HSF2: variants seen among roughly 807,000 people sequenced by gnomAD.
The protein encoded by HSF2 is heat shock factor protein 2.
A neutral mutation model predicts 65.0 loss-of-function variants in HSF2; 21 were observed. The observed-to-expected ratio is 0.32, with a 90% CI of 0.23 to 0.47. The LOEUF is 0.47. HSF2 is among the 20% of genes least tolerant of loss of function. The pLI is 1.00. For missense variants in HSF2, 499 were observed against 628.1 expected, an observed-to-expected ratio of 0.79 and a Z score of 2.20; for synonymous variants, 225 against 219.1, an observed-to-expected ratio of 1.03 and a Z score of -0.24.
chr6:122,411,881 T>C (rs368033818), intron 1 of HSF2, among the ~76,000 whole-genome samples: 2 of 152,100 alleles, frequency 1.3e-5, no homozygotes, highest in East Asian at 1.9e-4. Flanking sequence ...CTTTTAATAT[T>C]AATTTAGTAA....
intron 4 of HSF2, 51 bp downstream of exon 4, chr6:122,413,700 C>G: frequency 6.9e-7 from 1 of 1,453,648 alleles, no homozygotes; most frequent in Non-Finnish European, 9.5e-7. Context: ...GGGTATGTGT[C>G]TATGTGTGTT....
intron 12 of HSF2, 50 bp from the exon 13 acceptor site, chr6:122,431,875 T>G: frequency 1.3e-6 from 2 of 1,524,788 alleles, no homozygotes; most frequent in Non-Finnish European, 1.8e-6. Context: ...CCCCTCAGCT[T>G]GAACTCAGTA....
chr6:122,412,807 A>G, intron 3 of HSF2, 43 bp downstream of exon 3: 1 of 1,584,412 alleles, frequency 6.3e-7, no homozygotes, highest in Non-Finnish European at 8.6e-7. Flanking sequence ...ATTGACCTGG[A>G]GTGTGCTTGG....
chr6:122,407,900 C>A (rs953461666), intron 1 of HSF2, among the ~76,000 whole-genome samples: 1 of 152,018 alleles, frequency 6.6e-6, no homozygotes, highest in Non-Finnish European at 1.5e-5. Flanking sequence ...CATTTCAGTT[C>A]CTGTGTTAGA....
At chr6:122,422,997 T>C in intron 9 of HSF2, 40 bp downstream of exon 9, 1 of 1,606,744 alleles carries the variant, frequency 6.2e-7, no homozygotes, top group Non-Finnish European at 8.5e-7. Context: ...TTATTTGCTT[T>C]CTTTGTTCAC....
In HSF2 at chr6:122,422,659, T is replaced by C. The variant is rs549663651; in HGVS notation, c.831-59T>C. Reference sequence around the variant, plus strand: ...AGAGTTTCCATTTAGAATGAATGGATAGTATGAACTTATTAAATTTGAAAA... The same window carrying C: ...AGAGTTTCCATTTAGAATGAATGGACAGTATGAACTTATTAAATTTGAAAA... On this transcript the variant is annotated intron_variant, in intron 8 of 12. Coordinates refer to ENST00000368455, the MANE Select transcript of HSF2 (RefSeq NM_004506.4). 54 of 1,545,508 alleles carry C rather than the reference T, an allele frequency of 3.5e-5. No homozygotes were observed. In the African/African-American group the frequency reaches 6.5e-4, roughly 19 times the overall value.
rs1774370080 is a variant in HSF2, at chr6:122,427,804, G to A, written c.1177-99G>A. On this transcript the variant is annotated intron_variant, in intron 10 of 12. Coordinates refer to ENST00000368455, the MANE Select transcript of HSF2 (RefSeq NM_004506.4). ...TGTATAGAAGCTTCCTAGTGCAGGG[G>A]CTACATCTCTTCACCCAACATGGCT... 4.1e-6 allele frequency: 3 copies of A among 729,758 alleles called. No homozygotes were observed. In the South Asian group the frequency reaches 5.7e-5, roughly 14 times the overall value. 45.2% of individuals were successfully genotyped at this position (729,758 alleles called of 1,614,324 possible). A position where few individuals can be genotyped will look rare whatever the true frequency, so the allele number is the denominator to read the frequency against.
At chr6:122,426,962 T>C (rs1299183805) in intron 10 of HSF2, among the ~76,000 whole-genome samples, 2 of 152,068 alleles carry the variant, frequency 1.3e-5, no homozygotes, top group Non-Finnish European at 2.9e-5. Context: ...CCGCTAGTAT[T>C]ATACCCGTGT....
At chr6:122,406,642 A>G (rs1002891497) in intron 1 of HSF2, among the ~76,000 whole-genome samples, 2 of 152,240 alleles carry the variant, frequency 1.3e-5, no homozygotes, top group African/African-American at 4.8e-5. Context: ...TAAATTGGCT[A>G]TGGTTGGAGG....
At chr6:122,419,315 A>C in intron 6 of HSF2, 86 bp downstream of exon 6, 3 of 617,104 alleles carry the variant, frequency 4.9e-6, no homozygotes, top group Non-Finnish European at 8.7e-6. Context: ...ACACTTGCTG[A>C]GTATGTGCTT....
chr6:122,421,449 G>A (rs1255637301), intron 7 of HSF2, among the ~76,000 whole-genome samples: 1 of 151,926 alleles, frequency 6.6e-6, no homozygotes, highest in African/African-American at 2.4e-5. Flanking sequence ...GTAAGTGGAT[G>A]AAGATTTTTA....
At chr6:122,412,099 A>G (rs1774010858) in intron 1 of HSF2, among the ~76,000 whole-genome samples, 1 of 151,848 alleles carries the variant, frequency 6.6e-6, no homozygotes, top group South Asian at 2.1e-4. Context: ...TGCTGGTTTA[A>G]TGGAAGTTCT....
chr6:122,414,967 A>G (rs1306909949), intron 4 of HSF2, among the ~76,000 whole-genome samples: 1 of 152,216 alleles, frequency 6.6e-6, no homozygotes, highest in African/African-American at 2.4e-5. Flanking sequence ...AATTTGAATC[A>G]GAAAAATACA....
chr6:122,416,975 C>T (rs967269238), intron 5 of HSF2, among the ~76,000 whole-genome samples: 11 of 152,118 alleles, frequency 7.2e-5, no homozygotes, highest in Admixed American at 7.2e-4. Context: ...AAACTAGACT[C>T]TGAGTTTAAG....
chr6:122,400,761 C>T (rs1413288708), intron 1 of HSF2, among the ~76,000 whole-genome samples: 1 of 152,176 alleles, frequency 6.6e-6, no homozygotes, highest in Non-Finnish European at 1.5e-5. Context: ...AGAATACACT[C>T]CTAGGCTGTT....
Position 122,422,964 on chromosome 6 carries a change from G to T in HSF2, c.1070+7G>T, listed in dbSNP as rs984761289. Reference sequence around the variant, plus strand: ...ACATCAATCTTTTGGGAAAGTGAGTGCTTATCTAGATGTTGTCTAAAATTA... The same window carrying T: ...ACATCAATCTTTTGGGAAAGTGAGTTCTTATCTAGATGTTGTCTAAAATTA... On this transcript the variant is annotated splice_region_variant and intron_variant, in intron 9 of 12. Coordinates refer to ENST00000368455, the MANE Select transcript of HSF2 (RefSeq NM_004506.4). 6.2e-7 allele frequency: 1 copy of T among 1,612,976 alleles called. No homozygotes were observed. Among genetic ancestry groups the T allele is most frequent in the Admixed American group, 1.7e-5 (1 of 59,892 alleles).
At chr6:122,425,171 T>C (rs939329274) in intron 10 of HSF2, among the ~76,000 whole-genome samples, 5 of 152,214 alleles carry the variant, frequency 3.3e-5, no homozygotes, top group African/African-American at 1.2e-4. Flanking sequence ...GCTTTGTTCA[T>C]TTACCATTCT....
intron 4 of HSF2, among the ~76,000 whole-genome samples, chr6:122,414,902 C>T (rs1433142022): frequency 1.3e-5 from 2 of 152,178 alleles, no homozygotes; most frequent in African/African-American, 4.8e-5. Context: ...CAGGCACGAG[C>T]CACCGCACCC....
intron 1 of HSF2, among the ~76,000 whole-genome samples, chr6:122,409,665 C>G (rs2114428098): frequency 6.6e-6 from 1 of 152,094 alleles, no homozygotes; most frequent in African/African-American, 2.4e-5. Flanking sequence ...CTACATTCTT[C>G]ATTTATGAGT....
Sources: allele counts gnomAD v4.1 joint callset (sites outside exome capture counted in the v4.1 genomes callset), GRCh38; gene constraint gnomAD v4.1.1; transcripts MANE v1.5; gene names NCBI Gene and HGNC (gene_info 2026-07-23, HGNC 2026-07-21).